SPATA9: variants seen among roughly 807,000 people sequenced by gnomAD.
SPATA9 encodes spermatogenesis-associated protein 9.
SPATA9 carries 27 observed loss-of-function variants against 25.5 expected under a neutral mutation model. That is an observed-to-expected ratio of 1.06 (90% confidence interval 0.78 to 1.46). SPATA9 has a LOEUF of 1.46. Among genes scored for constraint, SPATA9 ranks in the 40% most tolerant of loss-of-function variants. The probability of loss-of-function intolerance (pLI) is 0.00; values close to 1 mark genes in which losing one functional copy is unlikely to be tolerated. For synonymous variants in SPATA9, 102 were observed against 105.7 expected (o/e 0.97, Z 0.21); for missense variants, 282 against 297.5 (o/e 0.95, Z 0.38).
At chr5:95,672,435 C>T (rs528730160) in intron 3 of SPATA9, among the ~76,000 whole-genome samples, 15 of 150,732 alleles carry the variant, frequency 1.0e-4, no homozygotes, top group African/African-American at 3.4e-4. Context: ...GGGACAGTTT[C>T]ACCACCAAGG....
At chr5:95,679,776 A>G (rs1454651631) in intron 2 of SPATA9, among the ~76,000 whole-genome samples, 1 of 152,178 alleles carries the variant, frequency 6.6e-6, no homozygotes, top group African/African-American at 2.4e-5. Flanking sequence ...CTTCTATTAT[A>G]CCATCTAGGA....
chr5:95,731,904 C>T, the SPATA9 span: 3 of 1,613,970 alleles, frequency 1.9e-6, no homozygotes, highest in South Asian at 3.3e-5. Context: ...ACACATTCCA[C>T]CAGGACAACC....
the SPATA9 span, among the ~76,000 whole-genome samples, chr5:95,730,471 A>G: frequency 6.6e-6 from 1 of 152,186 alleles, no homozygotes; most frequent in East Asian, 1.9e-4. Flanking sequence ...CACGTTAGGG[A>G]TATTCATAGC....
At chr5:95,664,821 C>G (rs1751602137) in intron 3 of SPATA9, among the ~76,000 whole-genome samples, 1 of 152,200 alleles carries the variant, frequency 6.6e-6, no homozygotes, top group African/African-American at 2.4e-5. Context: ...CTTCGATGAA[C>G]TTCCAAAAGG....
the SPATA9 span, chr5:95,731,594 T>C: frequency 1.3e-6 from 2 of 1,584,170 alleles, no homozygotes; most frequent in African/African-American, 1.3e-5. Flanking sequence ...GATGAGCGGA[T>C]TGCGGGTGAA....
At position 95,682,869 on chromosome 5, in the gene SPATA9, T is replaced by A; in HGVS notation, c.-15A>T. 1 of 1,513,570 alleles carries A rather than the reference T, an allele frequency of 6.6e-7. No individual in the cohort carries two copies. The highest frequency in any genetic ancestry group is 2.3e-5 in the East Asian group (1 of 43,452). The allele number at this position is 1,513,570 out of a possible 1,614,324, so 93.8% of individuals were successfully genotyped here. ...TTGATTGGCATGGTGAGTTCTTGCT[T>A]GGGTTCCTAGTCCTTAACAAGCTTG... On this transcript the variant is annotated 5_prime_UTR_variant, in exon 1 of 5. Transcript: ENST00000274432.
intron 3 of SPATA9, among the ~76,000 whole-genome samples, chr5:95,665,579 A>T (rs1315941432): frequency 1.3e-5 from 2 of 152,246 alleles, no homozygotes; most frequent in Non-Finnish European, 2.9e-5. Context: ...AATAGTATTC[A>T]ATTGTGTATA....
At chr5:95,712,764 C>T in the SPATA9 span, among the ~76,000 whole-genome samples, 3 of 152,204 alleles carry the variant, frequency 2.0e-5, no homozygotes, top group Non-Finnish European at 2.9e-5. Context: ...TCTGTCTAAC[C>T]TCTGACCCAC....
chr5:95,683,772 C>T (rs1290920830), upstream of SPATA9, among the ~76,000 whole-genome samples: 1 of 152,136 alleles, frequency 6.6e-6, no homozygotes, highest in Non-Finnish European at 1.5e-5. Flanking sequence ...CTCCTGACCT[C>T]ATGATCCGCC....
At chr5:95,661,396 A>G (rs1463079902) in intron 4 of SPATA9, among the ~76,000 whole-genome samples, 3 of 151,986 alleles carry the variant, frequency 2.0e-5, no homozygotes, top group Non-Finnish European at 4.4e-5. Context: ...TTGTAACCTG[A>G]CCTCTCCCAG....
downstream of SPATA9, chr5:95,654,281 A>C (rs143670008): frequency 1.2e-6 from 2 of 1,608,286 alleles, no homozygotes; most frequent in South Asian, 2.2e-5. Flanking sequence ...CCATGAAACT[A>C]TCAAAATTTC....
intron 2 of SPATA9, among the ~76,000 whole-genome samples, chr5:95,680,991 C>T (rs1753404970): frequency 6.6e-6 from 1 of 152,216 alleles, no homozygotes; most frequent in South Asian, 2.1e-4. Context: ...TCAAAGTATG[C>T]TAAATATCTC....
At chr5:95,679,993 G>C (rs153907) in intron 2 of SPATA9, among the ~76,000 whole-genome samples, 1 of 152,056 alleles carries the variant, frequency 6.6e-6, no homozygotes, top group Non-Finnish European at 1.5e-5. Flanking sequence ...CGCCTACCAG[G>C]TTCACGCCAT....
At chr5:95,652,869 A>G (rs1750439406), downstream of SPATA9, 5 of 449,522 alleles carry the variant, frequency 1.1e-5, no homozygotes, top group Non-Finnish European at 1.9e-5. Flanking sequence ...CTGGGCATCC[A>G]TTGTTGTTTT....
chr5:95,701,653 C>T (rs913166210), upstream of SPATA9, among the ~76,000 whole-genome samples: 2 of 151,416 alleles, frequency 1.3e-5, no homozygotes, highest in African/African-American at 4.9e-5. Context: ...CTAGATCCCC[C>T]CAACAGGTCT....
downstream of SPATA9, chr5:95,652,416 T>C (rs1455535528): frequency 6.7e-7 from 1 of 1,496,070 alleles, no homozygotes; most frequent in Non-Finnish European, 9.0e-7. Context: ...TATCTGGTTG[T>C]TGACTTGACA....
At position 95,682,592 on chromosome 5, in the gene SPATA9, A is replaced by G; in HGVS notation, c.86T>C (p.Met29Thr). 3 of 1,613,870 alleles carry G rather than the reference A, an allele frequency of 1.9e-6. No homozygotes were observed. Among genetic ancestry groups the G allele is most frequent in the Non-Finnish European group, 2.5e-6 (3 of 1,179,874 alleles). The change falls in exon 2 of 5, where the codon ATG becomes ACG. Residue 29 changes from methionine to threonine, a missense_variant. Physicochemically the swap from Met to Thr is moderately conservative, Grantham distance 81 (BLOSUM62 -1). Coordinates refer to ENST00000274432, the MANE Select transcript of SPATA9 (RefSeq NM_031952.4). ...ATCTTTAAACTCATCTACAAGGTCC[A>G]TGATTGCTTTCTGGATCCCCTCGAC... ...GRIEGIQKAI[M>T]DLVDEFKDEF...
intron 1 of SPATA9, among the ~76,000 whole-genome samples, chr5:95,694,895 C>T (rs1370569628): frequency 6.6e-6 from 1 of 152,122 alleles, no homozygotes; most frequent in Non-Finnish European, 1.5e-5. Context: ...CCAGCGATGG[C>T]ACCAGAGGAA....
intron 3 of SPATA9, among the ~76,000 whole-genome samples, chr5:95,673,204 T>C (rs753256816): frequency 2.6e-5 from 4 of 152,130 alleles, no homozygotes; most frequent in Non-Finnish European, 5.9e-5. Flanking sequence ...GATTTCAAGG[T>C]TCCTCTCTCC....
Sources: gnomAD v4.1 joint callset for allele counts (sites outside exome capture counted in the v4.1 genomes callset) on GRCh38, gnomAD v4.1.1 for gene constraint, MANE v1.5 for transcripts, NCBI Gene and HGNC (gene_info 2026-07-23, HGNC 2026-07-21) for gene names.